Variants in GNRH2 observed in about 807,000 individuals in gnomAD.
GNRH2 encodes gonadotropin releasing hormone 2.
Under a neutral mutation model 12.1 loss-of-function variants are expected in GNRH2, and 15 were observed. The ratio of observed to expected loss-of-function variants is 1.24; its 90% CI spans 0.83 to 1.90. GNRH2 has a LOEUF of 1.90. GNRH2 is among the 40% of genes most tolerant of loss of function. GNRH2 has a pLI of 0.00. For synonymous variants in GNRH2, 60 were observed against 62.0 expected, an observed-to-expected ratio of 0.97 and a Z score of 0.15; for missense variants, 143 against 141.4, an observed-to-expected ratio of 1.01 and a Z score of -0.06.
chr20:3,045,679 T>TCCGCAGA lies in GNRH2; in HGVS notation c.292_298dup. 6.2e-7 allele frequency: 1 copy of TCCGCAGA among 1,610,202 alleles called. No homozygotes were observed. Among genetic ancestry groups the TCCGCAGA allele is most frequent in the Non-Finnish European group, 8.5e-7 (1 of 1,177,366 alleles). On this transcript the variant is annotated splice_polypyrimidine_tract_variant and splice_region_variant and intron_variant, in intron 3 of 3. Transcript: ENST00000359100. ...CTGAGACATGACCGCCACCTCTCCC[T>TCCGCAGA]CCGCAGACCGCAGCCCGAGAGCCCC... is the stretch of plus-strand genomic sequence containing the variant.
Position 3,045,696 on chromosome 20 carries a change from G to A in GNRH2, c.302G>A (p.Arg101Gln), listed in dbSNP as rs1333500143. The A allele has an allele frequency of 2.5e-6, 4 of 1,586,500 alleles. No individual in the cohort carries two copies. Among genetic ancestry groups the A allele is most frequent in the South Asian group, 2.2e-5 (2 of 89,006 alleles). Residue 101 changes from arginine to glutamine, a missense_variant, in exon 4 of 4, where the codon CGA becomes CAA. By Grantham distance (43) the Arg-to-Gln change is conservative. Coordinates refer to ENST00000359100, the MANE Select transcript of GNRH2 (RefSeq NM_178331.2). ...HLARTLLTAAREPRPAPPSSN... is the reference protein window; with the variant it reads ...HLARTLLTAAQEPRPAPPSSN... ...CCTCTCCCTCCGCAGACCGCAGCCC[G>A]AGAGCCCCGCCCCGCCCCGCCATCC...
At chr20:3,044,117 G>A in intron 1 of GNRH2, 1 of 388,082 alleles carries the variant, frequency 2.6e-6, no homozygotes. Context: ...AAGGAAAGAT[G>A]GATGGACCTG....
intron 3 of GNRH2, among the ~76,000 whole-genome samples, chr20:3,045,439 TTGTGTGTA>T (rs2065978770): frequency 6.6e-6 from 1 of 152,042 alleles, no homozygotes. Context: ...ACCGCCTGAT[TTGTGTGTA>T]TGTGCTGAGG....
intron 3 of GNRH2, 37 bp from the exon 4 acceptor site, chr20:3,045,649 G>A (rs764704537): frequency 6.3e-7 from 1 of 1,575,118 alleles, no homozygotes; most frequent in Admixed American, 1.7e-5. Context: ...TACGAGACCA[G>A]TGTCCTGAGA....
intron 1 of GNRH2, 25 bp from the exon 2 acceptor site, chr20:3,044,383 T>C: frequency 6.2e-7 from 1 of 1,603,788 alleles, no homozygotes; most frequent in South Asian, 1.1e-5. Flanking sequence ...GTAAGTCTCC[T>C]TGAATGCTGT....
Position 3,044,470 on chromosome 20 carries a change from G to C in GNRH2, c.56G>C (p.Gly19Ala), listed in dbSNP as rs150691415. The change falls in exon 2 of 4, where the codon GGA (glycine) becomes GCA (alanine). Residue 19 changes from glycine to alanine, a missense_variant. Coordinates refer to ENST00000359100, the MANE Select transcript of GNRH2 (RefSeq NM_178331.2). ...CTGCTGCTGCTGACTGCCCACCTTG[G>C]ACCCTCAGAGGCTCAGCACTGGTCC... is the stretch of plus-strand genomic sequence containing the variant. ...LLLLLLTAHL[G>A]PSEAQHWSHG... 1.2e-6 allele frequency: 2 copies of C among 1,613,676 alleles called. No homozygotes were observed. Among genetic ancestry groups the C allele is most frequent in the South Asian group, 2.2e-5 (2 of 91,080 alleles).
Position 3,045,712 on chromosome 20 carries a change from C to CCCGCA in GNRH2, c.322_323insACCGC (p.Pro108HisfsTer?). 6.2e-7 allele frequency: 1 copy of CCCGCA among 1,611,450 alleles called. No homozygotes were observed. Among genetic ancestry groups the CCCGCA allele is most frequent in the Non-Finnish European group, 8.5e-7 (1 of 1,177,892 alleles). Reference sequence around the variant, plus strand: ...CCGCAGCCCGAGAGCCCCGCCCCGCCCCGCCATCCTCCAATAAAGTGTGAG... The same window carrying CCCGCA: ...CCGCAGCCCGAGAGCCCCGCCCCGCCCCGCACCGCCATCCTCCAATAAAGTGTGAG... On this transcript the variant is annotated frameshift_variant, in exon 4 of 4. Coordinates refer to ENST00000359100, the MANE Select transcript of GNRH2 (RefSeq NM_178331.2). LOFTEE classifies it high-confidence loss of function.
At chr20:3,044,305 C>T (rs989801345) in intron 1 of GNRH2, 103 bp from the exon 2 acceptor site, 1 of 879,122 alleles carries the variant, frequency 1.1e-6, no homozygotes. Flanking sequence ...AAGGAGATAC[C>T]AAAGCTGCCC....
intron 1 of GNRH2, 42 bp from the exon 2 acceptor site, chr20:3,044,366 G>A: frequency 1.9e-6 from 3 of 1,558,606 alleles, no homozygotes; most frequent in Non-Finnish European, 2.7e-6. Flanking sequence ...GGGGATGTGG[G>A]GGTGAGGTAA....
chr20:3,045,432 G>T lies in GNRH2; in HGVS notation c.292-254G>T, dbSNP rs111695531. On this transcript the variant is annotated intron_variant, in intron 3 of 3. Transcript: ENST00000359100. ...AGTTCCTATGAGGCAATGTCTTACC[G>T]CCTGATTTGTGTGTATGTGCTGAGG... Among the ~76,000 whole-genome samples, 886 of 152,272 alleles carry T rather than the reference G, an allele frequency of 5.8e-3. 11 individuals carry two copies. The highest frequency in any genetic ancestry group is 0.021 in the African/African-American group (863 of 41,540).
intron 3 of GNRH2, among the ~76,000 whole-genome samples, chr20:3,045,100 A>G (rs1043873527): frequency 6.6e-6 from 1 of 152,154 alleles, no homozygotes; most frequent in Non-Finnish European, 1.5e-5. Flanking sequence ...CTAGAAGGAG[A>G]TAATTGTTCT....
Position 3,045,612 on chromosome 20 carries a change from G to A in GNRH2, c.292-74G>A, listed in dbSNP as rs1410320974. On this transcript the variant is annotated intron_variant, in intron 3 of 3. Transcript: ENST00000359100. ...GGACTGGGGGGGACGAGAGGGGAGA[G>A]AACCAGGAAGATGGCAGCTCGGCGG... 4 of 1,298,424 alleles carry A rather than the reference G, an allele frequency of 3.1e-6. No homozygotes were observed. In the African/African-American group the frequency reaches 5.8e-5, roughly 19 times the overall value. 80.4% of individuals were successfully genotyped at this position (1,298,424 alleles called of 1,614,324 possible).
chr20:3,044,920 G>A, intron 3 of GNRH2, 84 bp downstream of exon 3: 1 of 1,164,360 alleles, frequency 8.6e-7, no homozygotes, highest in Non-Finnish European at 1.2e-6. Flanking sequence ...GTGCTGGGAG[G>A]GTGGGGAGAA....
Position 3,045,718 on chromosome 20 carries a change from A to G in GNRH2, c.324A>G (p.Pro108=), listed in dbSNP as rs1181638994. ...CCCGAGAGCCCCGCCCCGCCCCGCC[A>G]TCCTCCAATAAAGTGTGAGGTTCTC... The part of the protein sequence containing the change: ...TAAREPRPAP[P]SSNKV The change falls in exon 4 of 4, where the codon CCA becomes CCG. Residue 108 remains proline, a synonymous_variant. Transcript: ENST00000359100. The G allele has an allele frequency of 1.3e-6, 2 of 1,534,064 alleles. No homozygotes were observed. The highest frequency in any genetic ancestry group is 9.0e-7 in the Non-Finnish European group (1 of 1,117,266).
At chr20:3,043,922 T>C (rs1304666569) in intron 1 of GNRH2, 17 of 163,016 alleles carry the variant, frequency 1.0e-4, no homozygotes, top group Non-Finnish European at 2.0e-4. Flanking sequence ...CCAACTACTA[T>C]GGAAGAGATA....
intron 1 of GNRH2, 25 bp downstream of exon 1, chr20:3,043,690 G>C (rs2065957284): frequency 6.6e-6 from 1 of 152,470 alleles, no homozygotes; most frequent in African/African-American, 2.4e-5. Context: ...TTCCCTAAGG[G>C]CTAGGACACC....
At chr20:3,044,244 T>G (rs2065961660) in intron 1 of GNRH2, 164 bp from the exon 2 acceptor site, 1 of 601,092 alleles carries the variant, frequency 1.7e-6, no homozygotes, top group Admixed American at 2.8e-5. Flanking sequence ...CCCCAGGATC[T>G]GGACCCCTGT....
In GNRH2 at chr20:3,045,706, C is replaced by T; in HGVS notation, c.312C>T (p.Arg104=). ...CGCAGACCGCAGCCCGAGAGCCCCG[C>T]CCCGCCCCGCCATCCTCCAATAAAG... ...RTLLTAAREP[R]PAPPSSNKV The change falls in exon 4 of 4, where the codon CGC becomes CGT. Residue 104 remains arginine (R), a synonymous_variant. Coordinates refer to ENST00000359100, the MANE Select transcript of GNRH2 (RefSeq NM_178331.2). 1 of 1,610,210 alleles carries T rather than the reference C, an allele frequency of 6.2e-7. No individual in the cohort carries two copies. The highest frequency in any genetic ancestry group is 8.5e-7 in the Non-Finnish European group (1 of 1,177,254).
intron 3 of GNRH2, 67 bp from the exon 4 acceptor site, chr20:3,045,619 G>C: frequency 7.3e-7 from 1 of 1,360,748 alleles, no homozygotes; most frequent in South Asian, 1.2e-5. Flanking sequence ...AGAGAACCAG[G>C]AAGATGGCAG....
Sources: gnomAD v4.1 joint callset for allele counts (sites outside exome capture counted in the v4.1 genomes callset) on GRCh38, gnomAD v4.1.1 for gene constraint, MANE v1.5 for transcripts, NCBI Gene and HGNC (gene_info 2026-07-23, HGNC 2026-07-21) for gene names.